The following TTLL7 variants were observed in gnomAD, a reference collection of about 807,000 sequenced individuals.
TTLL7 encodes tubulin tyrosine ligase like 7.
TTLL7 carries 53 observed loss-of-function variants against 120.2 expected under a neutral mutation model. That is an observed-to-expected ratio of 0.44 (90% CI 0.35 to 0.55). TTLL7 has a LOEUF of 0.55. TTLL7 is among the 20% of genes least tolerant of loss of function. The probability of loss-of-function intolerance (pLI) is 0.00; values close to 1 mark genes in which losing one functional copy is unlikely to be tolerated. For synonymous variants in TTLL7, 353 were observed against 351.7 expected, an observed-to-expected ratio of 1.00 and a Z score of -0.04; for missense variants, 803 against 1,054.7, an observed-to-expected ratio of 0.76 and a Z score of 3.31.
intron 13 of TTLL7, 47 bp downstream of exon 13, chr1:83,919,652 T>C: frequency 6.5e-7 from 1 of 1,530,878 alleles, no homozygotes; most frequent in African/African-American, 1.4e-5. Context: ...AAAGACATAT[T>C]GTTTAGCTTT....
rs1652915628 is a variant in TTLL7 at position 83,866,351 on chromosome 1, A to G, written c.*3611T>C. 1 of 151,892 alleles carries G rather than the reference A, an allele frequency of 6.6e-6. No homozygotes were observed. The highest frequency in any genetic ancestry group is 1.5e-5 in the Non-Finnish European group (1 of 67,782). The allele number at this position is 151,892 out of a possible 1,614,324, so 9.4% of individuals were successfully genotyped here. ...ACTTTGACATGCTAAAGAAGAACGT[A>G]TTTGGATTATTAAAACATCTGAAAT... On this transcript the variant is annotated 3_prime_UTR_variant, in exon 21 of 21. Coordinates refer to ENST00000260505, the MANE Select transcript of TTLL7 (RefSeq NM_024686.6).
At chr1:83,924,780 C>T (rs1472289760) in intron 10 of TTLL7, among the ~76,000 whole-genome samples, 1 of 151,928 alleles carries the variant, frequency 6.6e-6, no homozygotes, top group Non-Finnish European at 1.5e-5. Context: ...ACCAAAAAGA[C>T]AAAGGTGAAC....
At chr1:83,916,659 T>A (rs905901756) in intron 14 of TTLL7, among the ~76,000 whole-genome samples, 11 of 151,628 alleles carry the variant, frequency 7.3e-5, no homozygotes, top group African/African-American at 2.7e-4. Context: ...AAAGAAAATA[T>A]GATAGAAGAC....
intron 5 of TTLL7, among the ~76,000 whole-genome samples, chr1:83,947,880 A>C (rs1341704141): frequency 6.6e-6 from 1 of 152,120 alleles, no homozygotes; most frequent in Non-Finnish European, 1.5e-5. Flanking sequence ...TTTTTTAAAA[A>C]ATTATCAGTT....
At chr1:83,892,319 AATATATAT>A (rs1557562041) in intron 18 of TTLL7, among the ~76,000 whole-genome samples, 1 of 38,108 alleles carries the variant, frequency 2.6e-5, no homozygotes, top group South Asian at 9.6e-4. Flanking sequence ...AATATATATG[AATATATAT>A]GTATATATGA....
intron 1 of TTLL7, among the ~76,000 whole-genome samples, chr1:83,998,555 G>A (rs891115987): frequency 3.3e-5 from 5 of 152,220 alleles, no homozygotes; most frequent in African/African-American, 1.2e-4. Context: ...TACTCGCGGA[G>A]GCTTATACCA....
intron 7 of TTLL7, 115 bp downstream of exon 7, chr1:83,942,348 A>C: frequency 1.3e-6 from 1 of 789,708 alleles, no homozygotes; most frequent in Non-Finnish European, 2.0e-6. Flanking sequence ...CTTCCAGACC[A>C]CAAAAACCTG....
chr1:83,892,467 T>TGA (rs1655672379), intron 18 of TTLL7, among the ~76,000 whole-genome samples: 1 of 145,608 alleles, frequency 6.9e-6, no homozygotes, highest in Non-Finnish European at 1.5e-5. Context: ...TATGAACATA[T>TGA]ATATGAACAT....
intron 18 of TTLL7, among the ~76,000 whole-genome samples, chr1:83,895,388 A>G (rs1268439265): frequency 6.6e-6 from 1 of 152,102 alleles, no homozygotes; most frequent in Non-Finnish European, 1.5e-5. Flanking sequence ...GCACTTTTAC[A>G]TATATTAACT....
At chr1:83,900,112 G>C (rs1212988374) in intron 18 of TTLL7, 1 of 417,480 alleles carries the variant, frequency 2.4e-6, no homozygotes. Context: ...TCCCATCAAT[G>C]TTTAACAGGC....
At chr1:83,978,767 T>C (rs368376998) in intron 1 of TTLL7, among the ~76,000 whole-genome samples, 10 of 152,156 alleles carry the variant, frequency 6.6e-5, no homozygotes, top group East Asian at 5.8e-4. Context: ...AACCCTGAAA[T>C]TCTAGTCTAG....
chr1:83,874,571 A>G (rs571624173), intron 20 of TTLL7, among the ~76,000 whole-genome samples: 19 of 152,146 alleles, frequency 1.2e-4, no homozygotes, highest in Non-Finnish European at 2.5e-4. Context: ...CAACTGCCAC[A>G]CAGTTTTAGA....
intron 6 of TTLL7, among the ~76,000 whole-genome samples, chr1:83,944,868 A>T (rs1048241927): frequency 2.6e-5 from 4 of 152,242 alleles, no homozygotes; most frequent in African/African-American, 9.6e-5. Flanking sequence ...ATAACAACAT[A>T]AAGGGAGTAA....
chr1:83,904,347 T>C (rs947933052), intron 17 of TTLL7, among the ~76,000 whole-genome samples, 188 bp from the exon 18 acceptor site: 3 of 152,104 alleles, frequency 2.0e-5, no homozygotes, highest in African/African-American at 4.8e-5. Context: ...TCTAGTTGTA[T>C]TAAGAATACA....
At chr1:83,980,309 G>A (rs1039542540) in intron 1 of TTLL7, 1 of 152,126 alleles carries the variant, frequency 6.6e-6, no homozygotes, top group African/African-American at 2.4e-5. Context: ...CTCCAAATGT[G>A]GCTGAAGCAC....
chr1:83,879,649 C>T (rs1654267413), intron 20 of TTLL7, among the ~76,000 whole-genome samples: 2 of 151,992 alleles, frequency 1.3e-5, no homozygotes, highest in South Asian at 4.1e-4. Flanking sequence ...AGCAATAGCA[C>T]TATAGAGTAA....
intron 1 of TTLL7, among the ~76,000 whole-genome samples, chr1:83,991,509 G>C (rs1056126623): frequency 7.9e-5 from 12 of 152,092 alleles, no homozygotes; most frequent in Admixed American, 1.3e-4. Context: ...AGTTGGGCAC[G>C]GTGGTACACC....
At position 83,988,566 on chromosome 1, in the gene TTLL7, T is replaced by C. The variant is rs576529124; in HGVS notation, c.-177+10365A>G. Among the ~76,000 whole-genome samples the C allele has an allele frequency of 3.9e-5, 6 of 152,360 alleles. No homozygotes were observed. The East Asian group carries it at 1.2e-3, about 29-fold the overall frequency. On this transcript the variant is annotated intron_variant, in intron 1 of 20. Transcript: ENST00000260505. The stretch of plus-strand genomic sequence containing the variant: ...GCATCTGTTGGTTTTTGACTTTTCG[T>C]TAGTTGCCATTCTGACTGATGCGAG...
rs114190448 is a variant in TTLL7 at position 83,912,013 on chromosome 1, T to G, written c.1588-650A>C. Among the ~76,000 whole-genome samples the G allele has an allele frequency of 7.2e-3, 1,094 of 152,198 alleles. 20 individuals carry two copies. Among genetic ancestry groups the G allele is most frequent in the African/African-American group, 0.025 (1,047 of 41,536 alleles). On this transcript the variant is annotated intron_variant, in intron 14 of 20. Transcript: ENST00000260505. ...CTGTGGATATTTATAAAAATAAAAT[T>G]TTTAGTTAACTGTCCATTTTCCAAA...
Sources: gnomAD v4.1 joint callset for allele counts (sites outside exome capture counted in the v4.1 genomes callset) on GRCh38, gnomAD v4.1.1 for gene constraint, MANE v1.5 for transcripts, NCBI Gene and HGNC (gene_info 2026-07-23, HGNC 2026-07-21) for gene names.